TAS2R1: variants seen among roughly 807,000 people sequenced by gnomAD.
TAS2R1 encodes the protein taste 2 receptor member 1, also known as taste receptor type 2 member 1.
For synonymous variants in TAS2R1, 141 were observed against 134.2 expected, an observed-to-expected ratio of 1.05 and a Z score of -0.35; for missense variants, 370 against 353.4, an observed-to-expected ratio of 1.05 and a Z score of -0.38.
chr5:9,864,882 C>A, the TAS2R1 span, among the ~76,000 whole-genome samples: 1 of 152,114 alleles, frequency 6.6e-6, no homozygotes, highest in East Asian at 1.9e-4. Flanking sequence ...ACAGAGGCCA[C>A]AAACTGCCCC....
At chr5:9,865,569 T>G in the TAS2R1 span, among the ~76,000 whole-genome samples, 2 of 152,252 alleles carry the variant, frequency 1.3e-5, no homozygotes, top group Non-Finnish European at 2.9e-5. Context: ...GCTGTTTTCT[T>G]TAACACAAAT....
At chr5:9,816,164 C>T in the TAS2R1 span, among the ~76,000 whole-genome samples, 1 of 152,124 alleles carries the variant, frequency 6.6e-6, no homozygotes, top group Non-Finnish European at 1.5e-5. Context: ...ATTTTATGAT[C>T]CACAGTTTAT....
At chr5:9,728,827 C>T in the TAS2R1 span, among the ~76,000 whole-genome samples, 235 of 152,270 alleles carry the variant, frequency 1.5e-3, 1 homozygote, top group Non-Finnish European at 2.8e-3. Context: ...CCAGTGGCTC[C>T]TTGGGACCCA....
chr5:9,877,950 T>C, the TAS2R1 span, among the ~76,000 whole-genome samples: 1 of 152,056 alleles, frequency 6.6e-6, no homozygotes, highest in African/African-American at 2.4e-5. Context: ...CACCTCCTAC[T>C]GGAGAAATTG....
At chr5:9,700,715 AGTTTTCTCT>A (rs1611091) in intron 1 of TAS2R1, among the ~76,000 whole-genome samples, 33,302 of 151,798 alleles carry the variant, frequency 0.22, 3,823 homozygotes, top group Admixed American at 0.32. Context: ...CAGCAGGATC[AGTTTTCTCT>A]GTTTTCTCTG....
intron 1 of TAS2R1, among the ~76,000 whole-genome samples, chr5:9,675,872 C>T (rs1740865172): frequency 6.6e-6 from 1 of 152,122 alleles, no homozygotes; most frequent in Non-Finnish European, 1.5e-5. Flanking sequence ...ATTGCTCTGG[C>T]TAGGAATTCC....
chr5:9,872,833 G>A, the TAS2R1 span, among the ~76,000 whole-genome samples: 1 of 152,206 alleles, frequency 6.6e-6, no homozygotes, highest in Non-Finnish European at 1.5e-5. Flanking sequence ...TAACTACATT[G>A]ACTTGAAGAA....
At chr5:9,792,371 T>C in the TAS2R1 span, among the ~76,000 whole-genome samples, 1 of 152,236 alleles carries the variant, frequency 6.6e-6, no homozygotes. Flanking sequence ...ATCTGTTCTA[T>C]CTGGTAGCCT....
chr5:9,739,170 AT>A, the TAS2R1 span, among the ~76,000 whole-genome samples: 1 of 152,306 alleles, frequency 6.6e-6, no homozygotes, highest in South Asian at 2.1e-4. Flanking sequence ...ATAGTCCCGT[AT>A]TCATAAGGCA....
intron 1 of TAS2R1, among the ~76,000 whole-genome samples, chr5:9,695,952 AAAGT>A (rs1741347315): frequency 2.0e-5 from 3 of 152,218 alleles, no homozygotes; most frequent in African/African-American, 7.2e-5. Context: ...GGTGGGAAAT[AAAGT>A]AAATTATATG....
chr5:9,680,020 T>C (rs1330390557), intron 1 of TAS2R1, among the ~76,000 whole-genome samples: 2 of 152,134 alleles, frequency 1.3e-5, no homozygotes, highest in Non-Finnish European at 2.9e-5. Flanking sequence ...GAGTATCTTA[T>C]AGAGTCAGAT....
the TAS2R1 span, among the ~76,000 whole-genome samples, chr5:9,822,487 C>G: frequency 1.3e-5 from 2 of 151,704 alleles, no homozygotes; most frequent in African/African-American, 4.8e-5. Context: ...GTAGCTGGGA[C>G]TACAGGTGTG....
the TAS2R1 span, among the ~76,000 whole-genome samples, chr5:9,768,698 T>C: frequency 3.9e-4 from 60 of 152,358 alleles, no homozygotes; most frequent in African/African-American, 1.4e-3. Context: ...GCTTGGCAAA[T>C]CAGCTACCCT....
chr5:9,629,955 G>A lies in TAS2R1; in HGVS notation c.78C>T (p.Ile26=), dbSNP rs746542844. Residue 26 remains isoleucine (I), a synonymous_variant, in exon 1 of 1, where the codon ATC becomes ATT. Transcript: ENST00000382492. ...AGTCAATGCCATTCACCACCACAAT[G>A]ATGCCATTTGTGAAAATCCCAAGAA... ...QFLLGIFTNG[I]IVVVNGIDLI... is the part of the protein sequence containing the mutation. 19 of 1,608,734 alleles carry A rather than the reference G, an allele frequency of 1.2e-5. No homozygotes were observed. In the South Asian group the frequency reaches 2.0e-4, roughly 17 times the overall value.
At chr5:9,903,735 G>A in the TAS2R1 span, 1 of 152,294 alleles carries the variant, frequency 6.6e-6, no homozygotes, top group East Asian at 1.9e-4. Context: ...CTGCTCTGGT[G>A]GAGGGGAGTT....
chr5:9,660,367 C>T lies in TAS2R1; in HGVS notation c.-241-786G>A, dbSNP rs149419667. 7.6e-3 allele frequency among the ~76,000 whole-genome samples: 1,160 copies of T among 151,810 alleles called. 16 individuals carry two copies. Among genetic ancestry groups the T allele is most frequent in the African/African-American group, 0.027 (1,121 of 41,350 alleles). On this transcript the variant is annotated intron_variant, in intron 1 of 2. Transcript: ENST00000506620. ...CTGGGATTACAGGCGTGAGCCACCA[C>T]GCCCGGCCTGAAATATTTCTAAACA...
the TAS2R1 span, among the ~76,000 whole-genome samples, chr5:9,837,721 C>T: frequency 6.6e-6 from 1 of 152,228 alleles, no homozygotes; most frequent in African/African-American, 2.4e-5. Context: ...GCCTTCTACA[C>T]AGGAACCGTC....
At chr5:9,864,856 C>A in the TAS2R1 span, among the ~76,000 whole-genome samples, 1 of 152,042 alleles carries the variant, frequency 6.6e-6, no homozygotes, top group African/African-American at 2.4e-5. Context: ...TGCAGGAAGA[C>A]CCTCTGGAAA....
At chr5:9,753,906 T>C in the TAS2R1 span, among the ~76,000 whole-genome samples, 66 of 152,330 alleles carry the variant, frequency 4.3e-4, no homozygotes, top group African/African-American at 1.5e-3. Context: ...CATTGGTCTA[T>C]ATATCTGTTT....
Sources: allele counts gnomAD v4.1 joint callset (sites outside exome capture counted in the v4.1 genomes callset), GRCh38; gene constraint gnomAD v4.1.1; transcripts MANE v1.5; gene names NCBI Gene and HGNC (gene_info 2026-07-23, HGNC 2026-07-21).